The following HIVEP3 variants were observed in gnomAD, a reference collection of about 807,000 sequenced individuals.
HIVEP3 encodes the protein HIVEP zinc finger 3, also known as transcription factor HIVEP3.
Under a neutral mutation model 152.8 loss-of-function variants are expected in HIVEP3, and 49 were observed. That is an observed-to-expected ratio of 0.32 (90% CI 0.26 to 0.41). The LOEUF is 0.41. Ranked by LOEUF, HIVEP3 falls within the 10% of genes least tolerant of loss-of-function variation. HIVEP3 has a pLI of 1.00. For synonymous variants in HIVEP3, 1,269 were observed against 1,289.0 expected, an observed-to-expected ratio of 0.98 and a Z score of 0.33; for missense variants, 2,790 against 3,103.3, an observed-to-expected ratio of 0.90 and a Z score of 2.40.
intron 2 of HIVEP3, among the ~76,000 whole-genome samples, chr1:41,671,170 A>G (rs1198984509): frequency 2.0e-5 from 3 of 152,228 alleles, no homozygotes; most frequent in Non-Finnish European, 2.9e-5. Flanking sequence ...AGTTGAGCCC[A>G]GGAAAGCACC....
At chr1:41,560,452 T>C (rs923519586) in intron 5 of HIVEP3, among the ~76,000 whole-genome samples, 1 of 152,142 alleles carries the variant, frequency 6.6e-6, no homozygotes, top group Non-Finnish European at 1.5e-5. Flanking sequence ...TTCATGCATC[T>C]GATTTCATTT....
intron 1 of HIVEP3, among the ~76,000 whole-genome samples, chr1:41,771,136 G>A (rs937630788): frequency 2.4e-4 from 36 of 152,204 alleles, no homozygotes; most frequent in African/African-American, 7.7e-4. Flanking sequence ...GGGTGGGAGT[G>A]GAGCAATGAT....
At chr1:41,949,974 TTGAGAG>T (rs1344237926) in intron 1 of HIVEP3, among the ~76,000 whole-genome samples, 1 of 152,034 alleles carries the variant, frequency 6.6e-6, no homozygotes, top group African/African-American at 2.4e-5. Flanking sequence ...GGTTTTCCTG[TTGAGAG>T]AGGGTACTGA....
chr1:41,860,991 G>A (rs1431642902), intron 1 of HIVEP3, among the ~76,000 whole-genome samples: 1 of 152,230 alleles, frequency 6.6e-6, no homozygotes, highest in Non-Finnish European at 1.5e-5. Flanking sequence ...TCTTGGCAAC[G>A]TGATTAAAAT....
chr1:41,898,401 C>T (rs999428688), intron 1 of HIVEP3, among the ~76,000 whole-genome samples: 9 of 152,160 alleles, frequency 5.9e-5, no homozygotes, highest in Non-Finnish European at 1.0e-4. Context: ...CTCACCAAAA[C>T]GCATCATCAT....
At chr1:41,888,056 T>C (rs889340695) in intron 1 of HIVEP3, among the ~76,000 whole-genome samples, 1 of 150,166 alleles carries the variant, frequency 6.7e-6, no homozygotes, top group African/African-American at 2.4e-5. Context: ...TTTTTTTTTT[T>C]TGAGACTGAG....
intron 3 of HIVEP3, among the ~76,000 whole-genome samples, chr1:41,605,767 T>G (rs6700352): frequency 0.31 from 47,251 of 151,660 alleles, 9,343 homozygotes; most frequent in East Asian, 0.59. Flanking sequence ...GAAACCCTAA[T>G]TGTGTGAGAA....
At chr1:41,981,041 T>C (rs1645290842) in intron 1 of HIVEP3, among the ~76,000 whole-genome samples, 1 of 152,058 alleles carries the variant, frequency 6.6e-6, no homozygotes, top group Non-Finnish European at 1.5e-5. Context: ...TGGGCAAGCT[T>C]GAGAGAGGCC....
At chr1:41,937,714 C>A (rs1474086886) in intron 1 of HIVEP3, among the ~76,000 whole-genome samples, 2 of 152,172 alleles carry the variant, frequency 1.3e-5, no homozygotes, top group African/African-American at 4.8e-5. Flanking sequence ...TACAGCCAGG[C>A]CTGAGGGTAT....
At chr1:41,804,723 A>T (rs1471307494) in intron 1 of HIVEP3, among the ~76,000 whole-genome samples, 1 of 152,230 alleles carries the variant, frequency 6.6e-6, no homozygotes, top group African/African-American at 2.4e-5. Flanking sequence ...ACGACTATCT[A>T]GAAAAATCTA....
chr1:41,658,579 C>CG (rs942256355), intron 2 of HIVEP3, among the ~76,000 whole-genome samples: 5 of 152,198 alleles, frequency 3.3e-5, no homozygotes, highest in Admixed American at 6.5e-5. Context: ...CACTTCACCC[C>CG]CCCCATGAGC....
At chr1:41,682,970 T>C (rs749543677) in intron 2 of HIVEP3, among the ~76,000 whole-genome samples, 3 of 152,010 alleles carry the variant, frequency 2.0e-5, no homozygotes, top group Admixed American at 6.5e-5. Flanking sequence ...GGAGACACCA[T>C]GGAAGGAATG....
At chr1:41,744,122 C>T (rs1324097148) in intron 1 of HIVEP3, among the ~76,000 whole-genome samples, 1 of 152,136 alleles carries the variant, frequency 6.6e-6, no homozygotes, top group Non-Finnish European at 1.5e-5. Flanking sequence ...TCACTGCAAC[C>T]TCCGCCTCCA....
At chr1:41,971,394 C>T (rs1032839477) in intron 1 of HIVEP3, among the ~76,000 whole-genome samples, 1 of 152,152 alleles carries the variant, frequency 6.6e-6, no homozygotes, top group East Asian at 1.9e-4. Context: ...ATCTGATCAC[C>T]GCCTATTTTC....
At position 41,926,994 on chromosome 1, in the gene HIVEP3, C is replaced by T. The variant is rs1444016934; in HGVS notation, n.120-8470G>A. Among the ~76,000 whole-genome samples the T allele has an allele frequency of 2.0e-5, 3 of 152,200 alleles. No homozygotes were observed. In the East Asian group the frequency reaches 5.8e-4, roughly 29 times the overall value. ...TTGAGGCAGAGACTCTGCTCAGCTACCAGCTCCTGGAGTCTGACTCAGCTT... is the reference window on the plus strand; with the variant it reads ...TTGAGGCAGAGACTCTGCTCAGCTATCAGCTCCTGGAGTCTGACTCAGCTT... On this transcript the variant is annotated intron_variant and non_coding_transcript_variant, in intron 1 of 3. Coordinates refer to the HIVEP3 transcript ENST00000489103.
At chr1:41,999,086 G>A (rs1645412501) in intron 1 of HIVEP3, among the ~76,000 whole-genome samples, 3 of 151,200 alleles carry the variant, frequency 2.0e-5, no homozygotes, top group Admixed American at 1.3e-4. Flanking sequence ...AGTAGAGAAG[G>A]GGTTTCACCA....
In HIVEP3 at chr1:41,889,189, T is replaced by TCACA. The variant is rs752427035; in HGVS notation, c.-801+29220_-801+29223dup. On this transcript the variant is annotated intron_variant, in intron 1 of 8. Coordinates refer to ENST00000372583, the MANE Select transcript of HIVEP3 (RefSeq NM_024503.5). Reference sequence around the variant, plus strand: ...CATATACCTCACAAACACACATATCTCACACACACACACACCACATACACC... The same window carrying TCACA: ...CATATACCTCACAAACACACATATCTCACACACACACACACACACCACATACACC... 4.3e-5 allele frequency among the ~76,000 whole-genome samples: 6 copies of TCACA among 140,644 alleles called. No homozygotes were observed. The East Asian group carries it at 1.3e-3, about 30-fold the overall frequency. The allele number at this position is 140,644 out of a possible 152,430, so 92.3% of individuals were successfully genotyped here.
intron 1 of HIVEP3, among the ~76,000 whole-genome samples, chr1:41,839,944 T>C (rs1643238132): frequency 6.6e-6 from 1 of 152,212 alleles, no homozygotes; most frequent in South Asian, 2.1e-4. Context: ...CCTGTGTGAC[T>C]ATTTAAATGA....
intron 3 of HIVEP3, among the ~76,000 whole-genome samples, chr1:41,615,561 G>A (rs2149136151): frequency 6.6e-6 from 1 of 152,376 alleles, no homozygotes; most frequent in East Asian, 1.9e-4. Flanking sequence ...CCCAGAAACA[G>A]TGGCAGGGCC....
Sources: allele counts gnomAD v4.1 joint callset (sites outside exome capture counted in the v4.1 genomes callset), GRCh38; gene constraint gnomAD v4.1.1; transcripts MANE v1.5; gene names NCBI Gene and HGNC (gene_info 2026-07-23, HGNC 2026-07-21).